Variants in VLDLR observed in about 807,000 individuals in gnomAD.
VLDLR encodes the protein very low-density lipoprotein receptor.
Under a neutral mutation model 112.7 loss-of-function variants are expected in VLDLR, and 81 were observed. The ratio of observed to expected loss-of-function variants is 0.72; its 90% CI spans 0.60 to 0.86. The LOEUF is 0.86. Ranked by LOEUF, VLDLR falls within the 40% of genes least tolerant of loss-of-function variation. The pLI, the probability that VLDLR is intolerant of heterozygous loss-of-function variation, is 0.00. For synonymous variants in VLDLR, 436 were observed against 384.8 expected, an observed-to-expected ratio of 1.13 and a Z score of -1.56; for missense variants, 1,237 against 1,099.4, an observed-to-expected ratio of 1.13 and a Z score of -1.77.
At chr9:2,633,916 T>A (rs1201390930) in intron 1 of VLDLR, among the ~76,000 whole-genome samples, 1 of 152,176 alleles carries the variant, frequency 6.6e-6, no homozygotes, top group Non-Finnish European at 1.5e-5. Context: ...ACACAGGTGA[T>A]GCTTCCTGAC....
chr9:2,653,889 C>G lies in VLDLR; in HGVS notation c.*21C>G. 1 of 1,613,632 alleles carries G rather than the reference C, an allele frequency of 6.2e-7. No homozygotes were observed. The highest frequency in any genetic ancestry group is 8.5e-7 in the Non-Finnish European group (1 of 1,179,646). Reference sequence around the variant, plus strand: ...CTTGACTTCTGTGACAAATGTTGACCTTTGAGGTCTAAACAAATAATACCC... The same window carrying G: ...CTTGACTTCTGTGACAAATGTTGACGTTTGAGGTCTAAACAAATAATACCC... On this transcript the variant is annotated 3_prime_UTR_variant, in exon 19 of 19. Coordinates refer to ENST00000382100, the MANE Select transcript of VLDLR (RefSeq NM_003383.5).
Position 2,648,261 on chromosome 9 carries a change from A to G in VLDLR, c.1876A>G (p.Ser626Gly). ...TGATTCTAAGTTGCACATGTTATCC[A>G]GCGTGGACTTGAATGGCCAAGATCG... ...WLDSKLHMLS[S>G]VDLNGQDRRI... Residue 626 changes from serine (S) to glycine (G), a missense_variant, in exon 13 of 19, where the codon AGC (serine) becomes GGC (glycine). Ser to Gly is a moderately conservative substitution (Grantham distance 56). Transcript: ENST00000382100. 6.2e-7 allele frequency: 1 copy of G among 1,614,218 alleles called. No individual in the cohort carries two copies. The highest frequency in any genetic ancestry group is 8.5e-7 in the Non-Finnish European group (1 of 1,180,028).
rs1212445689 is a variant in VLDLR, at chr9:2,646,533, G to A, written c.1684G>A (p.Ala562Thr). The change falls in exon 11 of 19, where the codon GCT becomes ACT. Residue 562 changes from alanine (A) to threonine (T), a missense_variant. Physicochemically the swap from Ala to Thr is moderately conservative, Grantham distance 58. Coordinates refer to ENST00000382100, the MANE Select transcript of VLDLR (RefSeq NM_003383.5). ...TGACTTGCGAGAGCCTGCCTCCATA[G>A]CTGTGGACCCACTGTCTGGGTTTGT... ...NSDLREPASI[A>T]VDPLSGFVYW... 1 of 1,614,008 alleles carries A rather than the reference G, an allele frequency of 6.2e-7. No homozygotes were observed. The highest frequency in any genetic ancestry group is 8.5e-7 in the Non-Finnish European group (1 of 1,180,022).
chr9:2,646,163 A>G (rs1394319839), intron 10 of VLDLR, among the ~76,000 whole-genome samples, 171 bp from the exon 11 acceptor site: 1 of 151,940 alleles, frequency 6.6e-6, no homozygotes, highest in Non-Finnish European at 1.5e-5. Context: ...CTACAGCATT[A>G]TTAATTTAGG....
chr9:2,651,748 G>T, intron 16 of VLDLR, 126 bp from the exon 17 acceptor site: 1 of 1,051,768 alleles, frequency 9.5e-7, no homozygotes, highest in Non-Finnish European at 1.4e-6. Flanking sequence ...GTTGTTCCTG[G>T]TGTTCAATTG....
chr9:2,630,444 G>C (rs572219961), intron 1 of VLDLR, among the ~76,000 whole-genome samples: 2 of 152,144 alleles, frequency 1.3e-5, no homozygotes, highest in South Asian at 4.2e-4. Flanking sequence ...AGATGTAAAT[G>C]CTTGGCCCTG....
At position 2,646,340 on chromosome 9, in the gene VLDLR, A is replaced by C. The variant is rs1203914339; in HGVS notation, c.1491A>C (p.Ser497=). The change falls in exon 11 of 19, where the codon TCA becomes TCC. Residue 497 remains serine (S), a synonymous_variant. Transcript: ENST00000382100. The part of the protein sequence containing the change: ...DLSQKAIFSA[S]IDDKVGRHVK... ...GTGACCTATTCTGTTTCAGTGCCTC[A>C]ATTGATGACAAGGTTGGTAGACATG... 1 of 1,614,156 alleles carries C rather than the reference A, an allele frequency of 6.2e-7. No homozygotes were observed. Among genetic ancestry groups the C allele is most frequent in the South Asian group, 1.1e-5 (1 of 91,080 alleles).
At chr9:2,624,305 G>A (rs749166390) in intron 1 of VLDLR, among the ~76,000 whole-genome samples, 4 of 152,152 alleles carry the variant, frequency 2.6e-5, no homozygotes, top group Non-Finnish European at 4.4e-5. Context: ...AATCCCAACC[G>A]GCATCTGTCT....
chr9:2,631,745 T>C (rs1817360258), intron 1 of VLDLR, among the ~76,000 whole-genome samples: 1 of 152,206 alleles, frequency 6.6e-6, no homozygotes, highest in Non-Finnish European at 1.5e-5. Context: ...TCAATGACTG[T>C]AGTTAACAAA....
At chr9:2,645,200 G>C in intron 9 of VLDLR, 118 bp downstream of exon 9, 1 of 1,478,016 alleles carries the variant, frequency 6.8e-7, no homozygotes, top group Non-Finnish European at 9.4e-7. Flanking sequence ...GAACAATGCT[G>C]CTAACCTCAT....
At chr9:2,624,666 G>C (rs1228710275) in intron 1 of VLDLR, among the ~76,000 whole-genome samples, 1 of 152,238 alleles carries the variant, frequency 6.6e-6, no homozygotes, top group Non-Finnish European at 1.5e-5. Flanking sequence ...ATTGTGAGAA[G>C]TGGGTTGGTG....
chr9:2,636,880 C>T (rs1367811149), intron 2 of VLDLR, among the ~76,000 whole-genome samples: 2 of 152,136 alleles, frequency 1.3e-5, no homozygotes, highest in South Asian at 2.1e-4. Context: ...TGGCAAAACC[C>T]ATTGCTTGTT....
At chr9:2,637,856 T>C (rs893035915) in intron 2 of VLDLR, among the ~76,000 whole-genome samples, 3 of 152,050 alleles carry the variant, frequency 2.0e-5, no homozygotes, top group Non-Finnish European at 2.9e-5. Flanking sequence ...GGCAGGAGAA[T>C]GGCGTGAACC....
chr9:2,644,117 G>T (rs991671942), intron 7 of VLDLR, among the ~76,000 whole-genome samples, 158 bp downstream of exon 7: 3 of 151,414 alleles, frequency 2.0e-5, no homozygotes, highest in African/African-American at 7.3e-5. Context: ...TAAAAGCCCA[G>T]GTAGGACAAA....
chr9:2,626,607 A>T (rs1258259260), intron 1 of VLDLR, among the ~76,000 whole-genome samples: 1 of 152,178 alleles, frequency 6.6e-6, no homozygotes, highest in African/African-American at 2.4e-5. Flanking sequence ...TTGCTTAGAG[A>T]TCCTTTGCCT....
chr9:2,634,616 G>T (rs1330461165), intron 1 of VLDLR, among the ~76,000 whole-genome samples: 1 of 152,156 alleles, frequency 6.6e-6, no homozygotes, highest in South Asian at 2.1e-4. Context: ...CATACATTAA[G>T]CATAGAAAAC....
chr9:2,653,945 A>T lies in VLDLR; in HGVS notation c.*77A>T, dbSNP rs17848374. 2.0e-6 allele frequency: 3 copies of T among 1,504,830 alleles called. No individual in the cohort carries two copies. In the East Asian group the frequency reaches 6.8e-5, roughly 34 times the overall value. 93.2% of individuals were successfully genotyped at this position (1,504,830 alleles called of 1,614,324 possible). ...GGAATGGTAACCGAGCCAGCAGCTG[A>T]AGTCTCTTTTTCTTCCTCTCGGCTG... On this transcript the variant is annotated 3_prime_UTR_variant, in exon 19 of 19. Coordinates refer to ENST00000382100, the MANE Select transcript of VLDLR (RefSeq NM_003383.5).
intron 1 of VLDLR, among the ~76,000 whole-genome samples, chr9:2,630,818 T>C (rs1424655622): frequency 6.6e-6 from 1 of 152,068 alleles, no homozygotes; most frequent in Non-Finnish European, 1.5e-5. Flanking sequence ...AAAAACAAAA[T>C]AGACAAATGG....
Position 2,659,852 on chromosome 9 carries a change from C to G in VLDLR, c.*5984C>G, listed in dbSNP as rs1818737940. The G allele has an allele frequency of 6.6e-6, 1 of 152,180 alleles. No homozygotes were observed. Among genetic ancestry groups the G allele is most frequent in the Non-Finnish European group, 1.5e-5 (1 of 68,022 alleles). The allele number at this position is 152,180 out of a possible 1,614,324, so 9.4% of individuals were successfully genotyped here. A position where few individuals can be genotyped will look rare whatever the true frequency, so the allele number is the denominator to read the frequency against. ...GACTGGCTTTGACAAAACTATCTTG[C>G]TCTTTTTAAATGTCACTTGATACTA... On this transcript the variant is annotated 3_prime_UTR_variant, in exon 19 of 19. Coordinates refer to ENST00000382100, the MANE Select transcript of VLDLR (RefSeq NM_003383.5).
Sources: gnomAD v4.1 joint callset for allele counts (sites outside exome capture counted in the v4.1 genomes callset) on GRCh38, gnomAD v4.1.1 for gene constraint, MANE v1.5 for transcripts, NCBI Gene and HGNC (gene_info 2026-07-23, HGNC 2026-07-21) for gene names.